The following RBFOX1 variants were observed in gnomAD, a reference collection of about 807,000 sequenced individuals.
RBFOX1 encodes RNA binding fox-1 homolog 1, also known as RNA binding protein fox-1 homolog 1.
In RBFOX1, 8 loss-of-function variants were observed where a neutral mutation model predicts 57.7. The observed-to-expected ratio is 0.14, with a 90% CI of 0.08 to 0.25. RBFOX1 has a LOEUF of 0.25. Ranked by LOEUF, RBFOX1 falls within the 10% of genes least tolerant of loss-of-function variation. RBFOX1 has a pLI of 1.00. For synonymous variants in RBFOX1, 326 were observed against 222.4 expected, an observed-to-expected ratio of 1.47 and a Z score of -4.15; for missense variants, 611 against 548.5, an observed-to-expected ratio of 1.11 and a Z score of -1.14.
intron 4 of RBFOX1, among the ~76,000 whole-genome samples, chr16:7,341,781 TC>T (rs1176995646): frequency 1.9e-5 from 1 of 53,296 alleles, no homozygotes; most frequent in Admixed American, 1.8e-4. Context: ...CCTCCCTCCT[TC>T]CTTCCTTCCT....
chr16:6,973,573 C>G lies in RBFOX1; in HGVS notation c.-15-78484C>G, dbSNP rs1308158603. Among the ~76,000 whole-genome samples, 3 of 152,110 alleles carry G rather than the reference C, an allele frequency of 2.0e-5. No individual in the cohort carries two copies. The East Asian group carries it at 5.8e-4, about 29-fold the overall frequency. On this transcript the variant is annotated intron_variant, in intron 3 of 15. Coordinates refer to ENST00000550418, the MANE Select transcript of RBFOX1 (RefSeq NM_018723.4). ...TGGAGAGTCTGTTTATTTCTTTCTT[C>G]CCGAGGGGATTGTAAATGGTGAGGA...
chr16:6,648,982 T>C (rs2098555265), intron 2 of RBFOX1, among the ~76,000 whole-genome samples: 1 of 152,130 alleles, frequency 6.6e-6, no homozygotes, highest in South Asian at 2.1e-4. Context: ...AACATCTACT[T>C]TCTTAGCAAT....
chr16:7,161,763 C>G (rs2078373177), intron 4 of RBFOX1, among the ~76,000 whole-genome samples: 1 of 152,166 alleles, frequency 6.6e-6, no homozygotes, highest in Admixed American at 6.5e-5. Context: ...TGCAAGAATA[C>G]AAACCAACAT....
chr16:6,834,222 C>T lies in RBFOX1; in HGVS notation c.-16+179572C>T, dbSNP rs144431272. Among the ~76,000 whole-genome samples the T allele has an allele frequency of 7.2e-4, 110 of 151,972 alleles. 1 individual carries two copies. Among genetic ancestry groups the T allele is most frequent in the Non-Finnish European group, 1.3e-3 (88 of 67,972 alleles). On this transcript the variant is annotated intron_variant, in intron 3 of 15. Transcript: ENST00000550418. ...CCAGGTAGCTGGGATTACAGGTGCC[C>T]GCTAGCACGCCCCATTAGTTTTTAT...
chr16:6,581,308 T>C (rs2097534247), intron 2 of RBFOX1, among the ~76,000 whole-genome samples: 1 of 152,210 alleles, frequency 6.6e-6, no homozygotes, highest in South Asian at 2.1e-4. Context: ...TTTTCGATGA[T>C]CCCTGTGAAG....
intron 2 of RBFOX1, among the ~76,000 whole-genome samples, chr16:6,394,999 T>G (rs908655189): frequency 6.6e-6 from 1 of 152,202 alleles, no homozygotes; most frequent in African/African-American, 2.4e-5. Flanking sequence ...GATAGGAAAA[T>G]GATAATCAGG....
intron 2 of RBFOX1, among the ~76,000 whole-genome samples, chr16:6,537,138 C>G (rs1025942891): frequency 6.6e-6 from 1 of 152,008 alleles, no homozygotes; most frequent in Non-Finnish European, 1.5e-5. Flanking sequence ...TTAGTGAGCA[C>G]AGGGATCTTT....
intron 3 of RBFOX1, among the ~76,000 whole-genome samples, chr16:6,903,567 C>A (rs891847183): frequency 6.6e-6 from 1 of 152,090 alleles, no homozygotes; most frequent in East Asian, 1.9e-4. Context: ...CAGAAAGGTG[C>A]CCCGCAATCA....
intron 2 of RBFOX1, among the ~76,000 whole-genome samples, chr16:5,591,611 A>T (rs969111196): frequency 6.6e-6 from 1 of 152,190 alleles, no homozygotes; most frequent in Non-Finnish European, 1.5e-5. Context: ...TTCAGTGGAT[A>T]TACTAGAAAT....
intron 2 of RBFOX1, among the ~76,000 whole-genome samples, chr16:6,545,448 C>A (rs2153837054): frequency 6.6e-6 from 1 of 152,286 alleles, no homozygotes; most frequent in South Asian, 2.1e-4. Context: ...CCCTGTCCTC[C>A]ATGTCATTTC....
chr16:6,772,478 T>C (rs1287101857), intron 3 of RBFOX1, among the ~76,000 whole-genome samples: 3 of 148,762 alleles, frequency 2.0e-5, no homozygotes, highest in Admixed American at 2.0e-4. Flanking sequence ...TTTGTATGTG[T>C]ATGTGTGGGT....
intron 2 of RBFOX1, among the ~76,000 whole-genome samples, chr16:6,422,375 T>G (rs1047506253): frequency 6.6e-6 from 1 of 152,076 alleles, no homozygotes; most frequent in Non-Finnish European, 1.5e-5. Flanking sequence ...CAATAGGTAG[T>G]TCTTCAGCCC....
intron 4 of RBFOX1, among the ~76,000 whole-genome samples, chr16:7,302,284 G>C (rs1003249263): frequency 6.6e-6 from 1 of 152,158 alleles, no homozygotes; most frequent in African/African-American, 2.4e-5. Context: ...ATTTCAAACA[G>C]AACGACAACA....
At chr16:7,281,112 C>A (rs2095535322) in intron 4 of RBFOX1, among the ~76,000 whole-genome samples, 1 of 151,776 alleles carries the variant, frequency 6.6e-6, no homozygotes, top group Admixed American at 6.6e-5. Context: ...AAGCAACTCT[C>A]CTGCCTCAGC....
At chr16:6,395,729 G>A (rs1596548400) in intron 2 of RBFOX1, among the ~76,000 whole-genome samples, 1 of 152,028 alleles carries the variant, frequency 6.6e-6, no homozygotes, top group African/African-American at 2.4e-5. Context: ...TAAATTAAAT[G>A]TGCAATTTAT....
intron 4 of RBFOX1, among the ~76,000 whole-genome samples, chr16:5,889,216 T>C (rs865867077): frequency 3.9e-5 from 6 of 152,180 alleles, no homozygotes. Context: ...ATCCATTAAC[T>C]ATTCCTCCTG....
intron 4 of RBFOX1, among the ~76,000 whole-genome samples, chr16:5,928,376 C>A (rs1597826459): frequency 6.6e-6 from 1 of 151,252 alleles, no homozygotes; most frequent in East Asian, 1.9e-4. Flanking sequence ...AGCCACCACA[C>A]CCAGTCATGC....
At chr16:5,722,148 T>C (rs149834673) in intron 3 of RBFOX1, among the ~76,000 whole-genome samples, 20 of 152,334 alleles carry the variant, frequency 1.3e-4, no homozygotes, top group Non-Finnish European at 2.4e-4. Context: ...ATGGATAATA[T>C]TACCAAGTCC....
intron 3 of RBFOX1, among the ~76,000 whole-genome samples, chr16:6,979,444 T>C (rs1021788242): frequency 2.6e-5 from 4 of 152,190 alleles, no homozygotes; most frequent in African/African-American, 9.7e-5. Flanking sequence ...ACAGAAGAAA[T>C]TACAGTGATT....
Sources: gnomAD v4.1 joint callset for allele counts (sites outside exome capture counted in the v4.1 genomes callset) on GRCh38, gnomAD v4.1.1 for gene constraint, MANE v1.5 for transcripts, NCBI Gene and HGNC (gene_info 2026-07-23, HGNC 2026-07-21) for gene names.